Variants in MEIOB observed in about 807,000 individuals in gnomAD.
The protein encoded by MEIOB is meiosis-specific with OB domain-containing protein.
A neutral mutation model predicts 53.1 loss-of-function variants in MEIOB; 50 were observed. The observed-to-expected ratio is 0.94, with a 90% confidence interval of 0.75 to 1.19. The LOEUF (loss-of-function observed/expected upper bound fraction) is 1.19. Among genes scored for constraint, MEIOB ranks in the 50% most tolerant of loss-of-function variants. The probability of loss-of-function intolerance (pLI) is 0.00; values close to 1 mark genes in which losing one functional copy is unlikely to be tolerated. For synonymous variants in MEIOB, 192 were observed against 182.5 expected (o/e 1.05, Z -0.42); for missense variants, 551 against 550.8 (o/e 1.00, Z 0.00).
Position 1,834,131 on chromosome 16 carries a change from T to C in MEIOB, c.*125A>G. ...CCCAGACCACCTCCACCATAACAAT[T>C]TCTAGAAACATGTTCACCACATGTA... On this transcript the variant is annotated 3_prime_UTR_variant, in exon 14 of 14. Transcript: ENST00000325962. 1 of 613,274 alleles carries C rather than the reference T, an allele frequency of 1.6e-6. No individual in the cohort carries two copies. The highest frequency in any genetic ancestry group is 2.9e-6 in the Non-Finnish European group (1 of 347,138). The allele number at this position is 613,274 out of a possible 1,614,324, so 38.0% of individuals were successfully genotyped here.
chr16:1,859,920 G>C (rs1188125555), intron 5 of MEIOB, among the ~76,000 whole-genome samples: 3 of 152,142 alleles, frequency 2.0e-5, no homozygotes, highest in Non-Finnish European at 2.9e-5. Flanking sequence ...CCCGGCTCCT[G>C]CTGAGGCTCC....
Position 1,871,480 on chromosome 16 carries a change from A to G in MEIOB, c.-10+513T>C, listed in dbSNP as rs1489186596. Among the ~76,000 whole-genome samples the G allele has an allele frequency of 1.4e-4, 19 of 137,066 alleles. 1 individual carries two copies. Among genetic ancestry groups the G allele is most frequent in the African/African-American group, 5.0e-4 (18 of 36,338 alleles). The allele number at this position is 137,066 out of a possible 152,430, so 89.9% of individuals were successfully genotyped here. On this transcript the variant is annotated intron_variant, in intron 1 of 13. Transcript: ENST00000325962. ...GTGATCCACCCGCCTCGGCCTCCCA[A>G]AGTGCTGGGATTACAGGCTTGAGCC...
chr16:1,835,475 A>T (rs1898718058), intron 13 of MEIOB, among the ~76,000 whole-genome samples: 1 of 152,190 alleles, frequency 6.6e-6, no homozygotes, highest in Admixed American at 6.5e-5. Flanking sequence ...GTGGAAGGAC[A>T]TATCAACCAC....
chr16:1,839,300 G>C lies in MEIOB; in HGVS notation c.1173C>G (p.Ser391=). The C allele has an allele frequency of 6.2e-7, 1 of 1,613,992 alleles. No homozygotes were observed. Residue 391 remains serine, a synonymous_variant, in exon 12 of 14, where the codon TCC becomes TCG. Coordinates refer to ENST00000325962, the MANE Select transcript of MEIOB (RefSeq NM_001163560.3). ...DLTDHTGTLH[S]CSLTGSVAEE... ...CAGCAACACTTCCTGTGAGACTACA[G>C]GAATGAAGGGTGCCTGTGTGATCAG...
chr16:1,847,480 A>C (rs1899054547), intron 9 of MEIOB, among the ~76,000 whole-genome samples: 1 of 151,530 alleles, frequency 6.6e-6, no homozygotes, highest in Non-Finnish European at 1.5e-5. Context: ...AACAAACAAA[A>C]AAAGCCTATT....
intron 2 of MEIOB, among the ~76,000 whole-genome samples, chr16:1,867,385 C>A (rs1291767180): frequency 6.6e-6 from 1 of 151,024 alleles, no homozygotes; most frequent in Admixed American, 6.6e-5. Flanking sequence ...ATCATAAAAG[C>A]AGCATAATGT....
chr16:1,869,102 T>C (rs1399112293), intron 1 of MEIOB, among the ~76,000 whole-genome samples: 7 of 152,146 alleles, frequency 4.6e-5, no homozygotes, highest in Admixed American at 1.3e-4. Context: ...TTTAGTTTTA[T>C]TTTATTTTTT....
intron 3 of MEIOB, among the ~76,000 whole-genome samples, chr16:1,863,408 C>T (rs1349004008): frequency 2.7e-5 from 4 of 148,486 alleles, no homozygotes; most frequent in South Asian, 2.1e-4. Context: ...GTTTTTGAGA[C>T]GGAGTTTCGC....
chr16:1,861,523 T>C (rs1899442577), intron 4 of MEIOB, among the ~76,000 whole-genome samples: 3 of 149,154 alleles, frequency 2.0e-5, no homozygotes, highest in South Asian at 4.3e-4. Flanking sequence ...TCTGAATGCC[T>C]CGCATTGCAG....
chr16:1,868,583 C>T (rs1368740392), intron 1 of MEIOB, among the ~76,000 whole-genome samples: 1 of 149,856 alleles, frequency 6.7e-6, no homozygotes, highest in Non-Finnish European at 1.5e-5. Flanking sequence ...TGGCCAGGTG[C>T]GGTGGCTCAT....
chr16:1,858,422 C>T lies in MEIOB; in HGVS notation c.333-492G>A, dbSNP rs532650206. On this transcript the variant is annotated intron_variant, in intron 5 of 13. Coordinates refer to ENST00000325962, the MANE Select transcript of MEIOB (RefSeq NM_001163560.3). Reference sequence around the variant, plus strand: ...TCTCCCTCCTGCACCGAGTCCCTCCCGGCCCTTGCACTCTGTGCCCCAGCA... The same window carrying T: ...TCTCCCTCCTGCACCGAGTCCCTCCTGGCCCTTGCACTCTGTGCCCCAGCA... Among the ~76,000 whole-genome samples, 32 of 152,202 alleles carry T rather than the reference C, an allele frequency of 2.1e-4. 1 individual carries two copies. The South Asian group carries it at 6.2e-3, about 30-fold the overall frequency.
In MEIOB at chr16:1,837,833, G is replaced by A. The variant is rs1482307073; in HGVS notation, c.1256C>T (p.Thr419Ile). The change falls in exon 13 of 14, where the codon ACA becomes ATA. Residue 419 changes from threonine to isoleucine, a missense_variant. Transcript: ENST00000325962. ...EFLAMTDEQK[T>I]ALKWQFLLER... ...CAAGAGAAATTGCCACTTTAATGCT[G>A]TTTTCTGTTCATCTGTCATTGCAAG... 3.2e-6 allele frequency: 5 copies of A among 1,538,928 alleles called. No homozygotes were observed. Among genetic ancestry groups the A allele is most frequent in the Non-Finnish European group, 4.4e-6 (5 of 1,141,610 alleles).
At chr16:1,854,039 T>G in intron 7 of MEIOB, 61 bp downstream of exon 7, 6 of 936,158 alleles carry the variant, frequency 6.4e-6, no homozygotes, top group Non-Finnish European at 9.9e-6. Flanking sequence ...TTTGATAAAA[T>G]GAAAATGTCC....
In MEIOB at chr16:1,868,094, T is replaced by C. The variant is rs187854327; in HGVS notation, c.69+13A>G. The C allele has an allele frequency of 6.9e-4, 978 of 1,409,536 alleles. 12 individuals carry two copies. The East Asian group carries it at 0.022, about 31-fold the overall frequency. 87.3% of individuals were successfully genotyped at this position (1,409,536 alleles called of 1,614,324 possible). On this transcript the variant is annotated intron_variant, in intron 2 of 13. Coordinates refer to ENST00000325962, the MANE Select transcript of MEIOB (RefSeq NM_001163560.3). ...GTCATCAGTAAGCAAATCACCACAT[T>C]ATTGAAACCTACCAGATTAGCCATA...
intron 4 of MEIOB, among the ~76,000 whole-genome samples, chr16:1,860,730 A>G (rs1450039851): frequency 3.3e-5 from 5 of 152,138 alleles, no homozygotes; most frequent in African/African-American, 9.7e-5. Flanking sequence ...ACTGGGCCCT[A>G]TGAAGTTTGT....
At chr16:1,837,078 C>T (rs1898768733) in intron 13 of MEIOB, among the ~76,000 whole-genome samples, 1 of 152,170 alleles carries the variant, frequency 6.6e-6, no homozygotes, top group South Asian at 2.1e-4. Context: ...TGTCTCACTG[C>T]ACTTTTCCTC....
In MEIOB at chr16:1,860,403, C is replaced by A. The variant is rs71385721; in HGVS notation, c.332G>T (p.Ser111Ile). The change falls in exon 5 of 14, where the codon AGC (serine) becomes ATC (isoleucine). Residue 111 changes from serine (S) to isoleucine (I), a missense_variant and splice_region_variant. By Grantham distance (142) the Ser-to-Ile change is moderately radical (BLOSUM62 -2). Coordinates refer to ENST00000325962, the MANE Select transcript of MEIOB (RefSeq NM_001163560.3). Reference sequence around the variant, plus strand: ...ATCTCTGTGCTAGACAGATGCTTACCTAGGAGTTGCAGGGCTGAATTTTTC... The same window carrying A: ...ATCTCTGTGCTAGACAGATGCTTACATAGGAGTTGCAGGGCTGAATTTTTC... ...REEKFSPATP[S>I]NCKLLLSENH... The A allele has an allele frequency of 6.6e-7, 1 of 1,510,272 alleles. No individual in the cohort carries two copies. The highest frequency in any genetic ancestry group is 2.5e-5 in the East Asian group (1 of 40,652). 93.6% of individuals were successfully genotyped at this position (1,510,272 alleles called of 1,614,324 possible). A position where few individuals can be genotyped will look rare whatever the true frequency, so the allele number is the denominator to read the frequency against.
chr16:1,850,707 T>A (rs1460043393), intron 9 of MEIOB, among the ~76,000 whole-genome samples: 1 of 151,720 alleles, frequency 6.6e-6, no homozygotes, highest in East Asian at 1.9e-4. Context: ...GATCACACGG[T>A]CAGGAGATTG....
rs1240249228 is a variant in MEIOB at position 1,843,755 on chromosome 16, C to A, written c.880+1107G>T. 3.3e-5 allele frequency among the ~76,000 whole-genome samples: 5 copies of A among 149,936 alleles called. No individual in the cohort carries two copies. In the East Asian group the frequency reaches 7.8e-4, roughly 23 times the overall value. ...CCTAACATTTAAAAGAGTAATAACA[C>A]AACATTAGTGAGGATGTGAAGCAAC... On this transcript the variant is annotated intron_variant, in intron 10 of 13. Transcript: ENST00000325962.
Sources: allele counts gnomAD v4.1 joint callset (sites outside exome capture counted in the v4.1 genomes callset), GRCh38; gene constraint gnomAD v4.1.1; transcripts MANE v1.5; gene names NCBI Gene and HGNC (gene_info 2026-07-23, HGNC 2026-07-21).